Variants in SMIM14 observed in about 807,000 individuals in gnomAD.
The protein encoded by SMIM14 is small integral membrane protein 14.
SMIM14 carries 5 observed loss-of-function variants against 12.6 expected under a neutral mutation model. The ratio of observed to expected loss-of-function variants is 0.40; its 90% CI spans 0.21 to 0.83. The LOEUF is 0.83. SMIM14 is among the 40% of genes least tolerant of loss of function. The probability of loss-of-function intolerance (pLI) is 0.37; values close to 1 mark genes in which losing one functional copy is unlikely to be tolerated. For synonymous variants in SMIM14, 30 were observed against 40.1 expected, an observed-to-expected ratio of 0.75 and a Z score of 0.95; for missense variants, 86 against 119.1, an observed-to-expected ratio of 0.72 and a Z score of 1.29.
At chr4:39,607,429 A>C (rs1036297060) in intron 1 of SMIM14, among the ~76,000 whole-genome samples, 1 of 152,220 alleles carries the variant, frequency 6.6e-6, no homozygotes, top group Non-Finnish European at 1.5e-5. Flanking sequence ...ATTCACTCAA[A>C]AATATTTAGT....
chr4:39,553,741 G>A (rs942666292), intron 4 of SMIM14, among the ~76,000 whole-genome samples: 7 of 151,790 alleles, frequency 4.6e-5, no homozygotes, highest in African/African-American at 1.7e-4. Flanking sequence ...TTACAGGCAC[G>A]CGCCACCATG....
intron 2 of SMIM14, among the ~76,000 whole-genome samples, chr4:39,576,797 C>T (rs1333645168): frequency 2.8e-5 from 4 of 140,926 alleles, no homozygotes; most frequent in African/African-American, 5.2e-5. Context: ...TGGCAACCTC[C>T]GCCTCCTGGG....
intron 3 of SMIM14, among the ~76,000 whole-genome samples, chr4:39,569,018 C>T (rs1437175797): frequency 1.3e-5 from 2 of 152,122 alleles, no homozygotes; most frequent in South Asian, 2.1e-4. Flanking sequence ...TCACAAAAGC[C>T]GCACATGTAA....
In SMIM14 at chr4:39,547,085, T is replaced by C. The variant is rs1747372968; in HGVS notation, c.*5041A>G. ...CCAAAGAAATGTGACTGCAATCTAA[T>C]TTCCAAGAGAGAAACTCTACTTCTG... On this transcript the variant is annotated 3_prime_UTR_variant, in exon 5 of 5. Coordinates refer to ENST00000295958, the MANE Select transcript of SMIM14 (RefSeq NM_174921.3). 6.6e-6 allele frequency: 1 copy of C among 152,214 alleles called. No homozygotes were observed. The highest frequency in any genetic ancestry group is 1.5e-5 in the Non-Finnish European group (1 of 68,026). The allele number at this position is 152,214 out of a possible 1,614,324, so 9.4% of individuals were successfully genotyped here.
intron 1 of SMIM14, among the ~76,000 whole-genome samples, chr4:39,620,372 G>A (rs929040223): frequency 6.6e-5 from 10 of 152,000 alleles, no homozygotes; most frequent in Admixed American, 2.6e-4. Context: ...CCAGCTACTC[G>A]GGAGGCTGAG....
In SMIM14 at chr4:39,627,793, C is replaced by G. The variant is rs147133976; in HGVS notation, c.-36+10946G>C. Among the ~76,000 whole-genome samples the G allele has an allele frequency of 1.2e-3, 187 of 152,302 alleles. 1 individual carries two copies. The highest frequency in any genetic ancestry group is 4.4e-3 in the African/African-American group (184 of 41,572). On this transcript the variant is annotated intron_variant, in intron 1 of 4. Transcript: ENST00000295958. The stretch of plus-strand genomic sequence containing the variant: ...CCTGTCCTTTCCTGGCCGCAGTTTA[C>G]TCTTGTACAATCCTAAGAATTCTCT...
chr4:39,609,052 C>A (rs762461365), intron 1 of SMIM14, among the ~76,000 whole-genome samples: 1 of 152,196 alleles, frequency 6.6e-6, no homozygotes, highest in Non-Finnish European at 1.5e-5. Context: ...TCTCGGCTCA[C>A]TGAAACCTCC....
chr4:39,555,480 C>T (rs973801299), intron 4 of SMIM14, among the ~76,000 whole-genome samples: 1 of 150,704 alleles, frequency 6.6e-6, no homozygotes, highest in Admixed American at 6.6e-5. Context: ...TGATCCGCCC[C>T]CCTTGGCCTC....
intron 3 of SMIM14, among the ~76,000 whole-genome samples, chr4:39,567,596 G>A (rs1204498879): frequency 2.0e-5 from 3 of 152,112 alleles, no homozygotes; most frequent in South Asian, 2.1e-4. Context: ...AATTAGCCGG[G>A]TGTGGTGGCA....
intron 2 of SMIM14, among the ~76,000 whole-genome samples, chr4:39,598,248 AG>A (rs1714455661): frequency 6.6e-6 from 1 of 151,730 alleles, no homozygotes; most frequent in African/African-American, 2.4e-5. Flanking sequence ...ACTCACTGAA[AG>A]GTTTTGCTTT....
chr4:39,572,183 A>T (rs1712924818), intron 3 of SMIM14, among the ~76,000 whole-genome samples: 1 of 152,054 alleles, frequency 6.6e-6, no homozygotes, highest in Non-Finnish European at 1.5e-5. Flanking sequence ...TTAAGTTAAA[A>T]AATGAAATAG....
intron 2 of SMIM14, among the ~76,000 whole-genome samples, chr4:39,602,063 A>G (rs1714637657): frequency 6.6e-6 from 1 of 151,480 alleles, no homozygotes; most frequent in African/African-American, 2.4e-5. Flanking sequence ...AGCCTGGGCA[A>G]CATGGTAGAA....
At chr4:39,584,590 G>A (rs1713690354) in intron 2 of SMIM14, among the ~76,000 whole-genome samples, 1 of 149,664 alleles carries the variant, frequency 6.7e-6, no homozygotes, top group Non-Finnish European at 1.5e-5. Context: ...GAGCCCAGGA[G>A]TTCAAGACCA....
intron 2 of SMIM14, among the ~76,000 whole-genome samples, chr4:39,603,722 T>G (rs1714700766): frequency 6.6e-6 from 1 of 151,598 alleles, no homozygotes; most frequent in African/African-American, 2.4e-5. Context: ...CAGAAATGCT[T>G]TACATAGGCC....
intron 2 of SMIM14, among the ~76,000 whole-genome samples, chr4:39,597,211 G>C (rs1714408085): frequency 6.7e-6 from 1 of 149,978 alleles, no homozygotes; most frequent in African/African-American, 2.5e-5. Flanking sequence ...TGATTGGCTT[G>C]CATCCTACAT....
At chr4:39,597,884 C>T (rs1248503805) in intron 2 of SMIM14, among the ~76,000 whole-genome samples, 1 of 152,186 alleles carries the variant, frequency 6.6e-6, no homozygotes, top group Admixed American at 6.5e-5. Context: ...ATACAAACAG[C>T]TTCCCTAATC....
intron 1 of SMIM14, among the ~76,000 whole-genome samples, chr4:39,624,459 A>G (rs1282865655): frequency 1.3e-5 from 2 of 152,180 alleles, no homozygotes; most frequent in African/African-American, 4.8e-5. Flanking sequence ...CAATCATGCT[A>G]GTTATGTTTC....
chr4:39,575,612 T>C (rs974207315), intron 2 of SMIM14, among the ~76,000 whole-genome samples: 4 of 152,020 alleles, frequency 2.6e-5, no homozygotes, highest in African/African-American at 9.7e-5. Context: ...TAAGATAGGG[T>C]CTTGCTCTGT....
At chr4:39,634,547 A>T (rs1183202480) in intron 1 of SMIM14, among the ~76,000 whole-genome samples, 2 of 152,230 alleles carry the variant, frequency 1.3e-5, no homozygotes, top group Non-Finnish European at 2.9e-5. Context: ...AATTTTTAGC[A>T]TAATACTTGA....
Sources: gnomAD v4.1 joint callset for allele counts (sites outside exome capture counted in the v4.1 genomes callset) on GRCh38, gnomAD v4.1.1 for gene constraint, MANE v1.5 for transcripts, NCBI Gene and HGNC (gene_info 2026-07-23, HGNC 2026-07-21) for gene names.